Variants in TSHZ2 observed in about 807,000 individuals in gnomAD.
TSHZ2 encodes teashirt homolog 2.
In TSHZ2, 21 loss-of-function variants were observed where a neutral mutation model predicts 74.4. The ratio of observed to expected loss-of-function variants is 0.28; its 90% confidence interval spans 0.20 to 0.41. The LOEUF (loss-of-function observed/expected upper bound fraction) is 0.41, where lower values mean the gene tolerates loss of function less well. Ranked by LOEUF, TSHZ2 falls within the 10% of genes least tolerant of loss-of-function variation. The pLI, the probability that TSHZ2 is intolerant of heterozygous loss-of-function variation, is 1.00. For synonymous variants in TSHZ2, 540 were observed against 515.3 expected, an observed-to-expected ratio of 1.05 and a Z score of -0.65; for missense variants, 1,244 against 1,293.5, an observed-to-expected ratio of 0.96 and a Z score of 0.59.
At chr20:53,325,999 T>C (rs1162945535) in intron 2 of TSHZ2, among the ~76,000 whole-genome samples, 1 of 152,152 alleles carries the variant, frequency 6.6e-6, no homozygotes, top group Non-Finnish European at 1.5e-5. Context: ...GCTAGGCTGG[T>C]ATCAAACTTC....
intron 1 of TSHZ2, among the ~76,000 whole-genome samples, chr20:53,176,636 ATTGTTATCTCT>A: frequency 6.6e-6 from 1 of 151,674 alleles, no homozygotes; most frequent in African/African-American, 2.4e-5. Flanking sequence ...TTTAATCAAC[ATTGTTATCTCT>A]AAATTATATT....
At chr20:53,204,536 T>C (rs531744606) in intron 1 of TSHZ2, among the ~76,000 whole-genome samples, 5 of 152,176 alleles carry the variant, frequency 3.3e-5, no homozygotes, top group African/African-American at 1.2e-4. Context: ...TACTGAAGCA[T>C]ATGAAATTCC....
intron 1 of TSHZ2, among the ~76,000 whole-genome samples, chr20:53,161,154 T>C (rs865799742): frequency 3.3e-5 from 2 of 60,882 alleles, no homozygotes; most frequent in African/African-American, 1.3e-4. Flanking sequence ...AAAAAAAAAA[T>C]AGGAGGTAAT....
At chr20:53,184,212 A>G (rs1405190420) in intron 1 of TSHZ2, among the ~76,000 whole-genome samples, 1 of 152,088 alleles carries the variant, frequency 6.6e-6, no homozygotes, top group Non-Finnish European at 1.5e-5. Context: ...CCCAATCACC[A>G]AGGTCAGTTG....
chr20:53,459,906 G>A (rs1258636495), intron 2 of TSHZ2, among the ~76,000 whole-genome samples: 1 of 152,106 alleles, frequency 6.6e-6, no homozygotes, highest in Non-Finnish European at 1.5e-5. Flanking sequence ...CTGGCTTGTA[G>A]GGTTTCTGCC....
At chr20:53,340,528 A>G (rs112177975) in intron 2 of TSHZ2, among the ~76,000 whole-genome samples, 3 of 152,198 alleles carry the variant, frequency 2.0e-5, no homozygotes, top group Non-Finnish European at 4.4e-5. Context: ...ACAATGTGCA[A>G]TGAGCCCTAT....
chr20:53,008,042 T>C (rs1389405073), intron 1 of TSHZ2, among the ~76,000 whole-genome samples: 1 of 152,128 alleles, frequency 6.6e-6, no homozygotes, highest in Non-Finnish European at 1.5e-5. Context: ...TTCCACTGAA[T>C]TGTATGTGAG....
intron 1 of TSHZ2, among the ~76,000 whole-genome samples, chr20:53,120,818 G>C (rs750692507): frequency 6.6e-6 from 1 of 152,212 alleles, no homozygotes; most frequent in Non-Finnish European, 1.5e-5. Context: ...ATCAAGCCCT[G>C]AGTTGCATAA....
rs1986387351 is a variant in TSHZ2 at position 53,489,432 on chromosome 20, T to C, written c.*2297T>C. On this transcript the variant is annotated 3_prime_UTR_variant, in exon 3 of 3. Coordinates refer to ENST00000371497, the MANE Select transcript of TSHZ2 (RefSeq NM_173485.6). The stretch of plus-strand genomic sequence containing the variant: ...AATCAATGCATTAGTATTGGGGTTC[T>C]CGTAGCTGTTAAAAATTGTCTGCTC... The C allele has an allele frequency of 3.0e-6, 1 of 332,842 alleles. No homozygotes were observed. The highest frequency in any genetic ancestry group is 2.1e-5 in the African/African-American group (1 of 46,512). 20.6% of individuals were successfully genotyped at this position (332,842 alleles called of 1,614,324 possible). A position where few individuals can be genotyped will look rare whatever the true frequency, so the allele number is the denominator to read the frequency against.
intron 1 of TSHZ2, among the ~76,000 whole-genome samples, chr20:53,252,164 T>C (rs1325217294): frequency 6.6e-6 from 1 of 152,236 alleles, no homozygotes; most frequent in Non-Finnish European, 1.5e-5. Context: ...AGCGGCAGCC[T>C]TTGGAGTTGC....
chr20:53,129,706 G>A (rs1207101027), intron 1 of TSHZ2, among the ~76,000 whole-genome samples: 1 of 152,078 alleles, frequency 6.6e-6, no homozygotes, highest in Non-Finnish European at 1.5e-5. Context: ...GAAGGTCGGC[G>A]CTGACGGTGC....
At chr20:53,306,500 C>A (rs16997916) in intron 2 of TSHZ2, among the ~76,000 whole-genome samples, 7,667 of 152,122 alleles carry the variant, frequency 0.05, 662 homozygotes, top group African/African-American at 0.18. Flanking sequence ...CTGAGATGTA[C>A]AGATTTGAAG....
rs911843249 is a variant in TSHZ2 at position 53,194,246 on chromosome 20, C to A, written c.41-59253C>A. Among the ~76,000 whole-genome samples the A allele has an allele frequency of 7.9e-5, 12 of 152,182 alleles. 1 individual carries two copies. The highest frequency in any genetic ancestry group is 6.5e-4 in the Admixed American group (10 of 15,284). ...TGTTGCTTACATAGAATGTCCTCTG[C>A]CACTGGTAATGACCTTCATGAAAGA... On this transcript the variant is annotated intron_variant, in intron 1 of 2. Transcript: ENST00000371497.
chr20:53,095,765 C>G (rs927658437), intron 1 of TSHZ2, among the ~76,000 whole-genome samples: 1 of 152,068 alleles, frequency 6.6e-6, no homozygotes, highest in African/African-American at 2.4e-5. Flanking sequence ...CTCCTTCTTA[C>G]CCCCCACCCC....
chr20:53,305,512 T>TA (rs1346438654), intron 2 of TSHZ2, among the ~76,000 whole-genome samples: 1 of 152,156 alleles, frequency 6.6e-6, no homozygotes, highest in Non-Finnish European at 1.5e-5. Context: ...ACTGGACTTA[T>TA]AAAAAACGCT....
At chr20:53,218,543 T>A (rs1989485822) in intron 1 of TSHZ2, among the ~76,000 whole-genome samples, 1 of 152,202 alleles carries the variant, frequency 6.6e-6, no homozygotes, top group Non-Finnish European at 1.5e-5. Context: ...GCATTGGTTC[T>A]ATATTCGCAG....
At chr20:53,027,673 C>T (rs1432839521) in intron 1 of TSHZ2, among the ~76,000 whole-genome samples, 8 of 152,048 alleles carry the variant, frequency 5.3e-5, no homozygotes, top group African/African-American at 1.7e-4. Flanking sequence ...TGCAGGGGAT[C>T]GCTTGAGCCC....
In TSHZ2 at chr20:53,032,161, C is replaced by T. The variant is rs78834240; in HGVS notation, c.40+58828C>T. Among the ~76,000 whole-genome samples the T allele has an allele frequency of 8.4e-3, 1,272 of 152,272 alleles. 7 individuals carry two copies. The highest frequency in any genetic ancestry group is 0.014 in the Middle Eastern group (4 of 294). On this transcript the variant is annotated intron_variant, in intron 1 of 2. Coordinates refer to ENST00000371497, the MANE Select transcript of TSHZ2 (RefSeq NM_173485.6). ...TTGCTCCAAGAGGAAACACAGCCTC[C>T]TTAGGAGGCTAAAGTCCAACGAACG...
At chr20:53,305,479 G>A (rs1019878886) in intron 2 of TSHZ2, among the ~76,000 whole-genome samples, 1 of 152,096 alleles carries the variant, frequency 6.6e-6, no homozygotes, top group Non-Finnish European at 1.5e-5. Context: ...GACACGCCAA[G>A]CTATATCCCA....
Sources: allele counts gnomAD v4.1 joint callset (sites outside exome capture counted in the v4.1 genomes callset), GRCh38; gene constraint gnomAD v4.1.1; transcripts MANE v1.5; gene names NCBI Gene and HGNC (gene_info 2026-07-23, HGNC 2026-07-21).